Variants in FRMD4A observed in about 807,000 individuals in gnomAD.
The protein encoded by FRMD4A is FERM domain containing 4A, also known as FERM domain-containing protein 4A.
In FRMD4A, 29 loss-of-function variants were observed where a neutral mutation model predicts 129.1. The ratio of observed to expected loss-of-function variants is 0.22; its 90% CI spans 0.17 to 0.31. The LOEUF is 0.31. Among genes scored for constraint, FRMD4A ranks in the 10% least tolerant of loss-of-function variants. FRMD4A has a pLI of 1.00. For synonymous variants in FRMD4A, 634 were observed against 571.6 expected (o/e 1.11, Z -1.56); for missense variants, 1,272 against 1,375.8 (o/e 0.92, Z 1.19).
intron 2 of FRMD4A, among the ~76,000 whole-genome samples, chr10:14,208,222 A>G (rs1167434960): frequency 6.6e-6 from 1 of 152,046 alleles, no homozygotes; most frequent in African/African-American, 2.4e-5. Flanking sequence ...ACCAAGCAGA[A>G]AACAAAAACC....
At chr10:13,730,195 A>G (rs990263384) in intron 12 of FRMD4A, among the ~76,000 whole-genome samples, 1 of 152,150 alleles carries the variant, frequency 6.6e-6, no homozygotes, top group African/African-American at 2.4e-5. Context: ...TCGGGCTTCA[A>G]TCAATCAAAG....
At chr10:13,716,065 T>G (rs542630713) in intron 12 of FRMD4A, among the ~76,000 whole-genome samples, 15 of 152,244 alleles carry the variant, frequency 9.9e-5, no homozygotes, top group Non-Finnish European at 1.8e-4. Context: ...GAAAGACAAC[T>G]CATATGGTGT....
At chr10:13,928,201 T>C (rs1470687672) in intron 2 of FRMD4A, among the ~76,000 whole-genome samples, 1 of 151,966 alleles carries the variant, frequency 6.6e-6, no homozygotes, top group African/African-American at 2.4e-5. Flanking sequence ...TTTAAATGTT[T>C]TGCATAGAAG....
At chr10:13,822,946 G>C (rs1049655453) in intron 3 of FRMD4A, among the ~76,000 whole-genome samples, 6 of 152,068 alleles carry the variant, frequency 3.9e-5, no homozygotes, top group African/African-American at 1.2e-4. Context: ...GTCTCCCTGG[G>C]AGCAATGCTT....
intron 15 of FRMD4A, 147 bp downstream of exon 15, chr10:13,693,751 G>A (rs1289074789): frequency 1.2e-6 from 1 of 846,284 alleles, no homozygotes; most frequent in Non-Finnish European, 1.9e-6. Flanking sequence ...TTCGCATTTG[G>A]ATCCCAACCT....
intron 2 of FRMD4A, among the ~76,000 whole-genome samples, chr10:13,994,399 G>A (rs992453577): frequency 2.0e-5 from 3 of 151,818 alleles, no homozygotes; most frequent in Non-Finnish European, 4.4e-5. Flanking sequence ...GGATGGTCTC[G>A]ATCTCCCGAC....
At chr10:14,160,391 T>C (rs1840823362) in intron 2 of FRMD4A, among the ~76,000 whole-genome samples, 1 of 152,306 alleles carries the variant, frequency 6.6e-6, no homozygotes, top group African/African-American at 2.4e-5. Flanking sequence ...AAAGGTTTTA[T>C]GGCTCAGACC....
chr10:14,310,475 G>C (rs1846508765), intron 2 of FRMD4A, among the ~76,000 whole-genome samples: 1 of 152,192 alleles, frequency 6.6e-6, no homozygotes, highest in African/African-American at 2.4e-5. Flanking sequence ...ACATAGATAA[G>C]CAAGCTGAAA....
intron 2 of FRMD4A, among the ~76,000 whole-genome samples, chr10:13,956,857 G>A (rs1277383858): frequency 6.6e-6 from 1 of 152,202 alleles, no homozygotes; most frequent in African/African-American, 2.4e-5. Context: ...CCTGGTGTTG[G>A]CCCTTAGCAA....
chr10:14,144,718 C>A (rs1317929372), intron 2 of FRMD4A, among the ~76,000 whole-genome samples: 1 of 152,078 alleles, frequency 6.6e-6, no homozygotes, highest in Non-Finnish European at 1.5e-5. Context: ...CAGGAGCTGG[C>A]AAGAGACACG....
intron 2 of FRMD4A, among the ~76,000 whole-genome samples, chr10:14,148,059 C>T (rs555739120): frequency 1.5e-4 from 23 of 152,212 alleles, no homozygotes; most frequent in African/African-American, 5.1e-4. Flanking sequence ...TAATATTGGC[C>T]GTTCTCATTC....
chr10:14,185,720 T>G (rs1003981915), intron 2 of FRMD4A, among the ~76,000 whole-genome samples: 6 of 152,134 alleles, frequency 3.9e-5, no homozygotes, highest in African/African-American at 1.4e-4. Flanking sequence ...TCAGTAGTTC[T>G]AGAGAGAAGG....
intron 2 of FRMD4A, among the ~76,000 whole-genome samples, chr10:14,060,722 T>C (rs887845868): frequency 1.3e-5 from 2 of 152,354 alleles, no homozygotes; most frequent in South Asian, 2.1e-4. Context: ...CAAGGCAACA[T>C]TCTCCAATTA....
chr10:14,008,613 C>A (rs1026903619), intron 2 of FRMD4A: 1 of 527,130 alleles, frequency 1.9e-6, no homozygotes. Flanking sequence ...AGCCCCTCGG[C>A]CGTACAGTAG....
intron 2 of FRMD4A, among the ~76,000 whole-genome samples, chr10:13,864,300 C>CA (rs777097322): frequency 1.8e-5 from 2 of 112,984 alleles, no homozygotes; most frequent in Non-Finnish European, 3.4e-5. Context: ...CCCGCCATAG[C>CA]AAAGCCATTT....
intron 2 of FRMD4A, among the ~76,000 whole-genome samples, chr10:14,306,702 G>A (rs1846366415): frequency 6.6e-6 from 1 of 152,222 alleles, no homozygotes; most frequent in Non-Finnish European, 1.5e-5. Flanking sequence ...AAAGAAGAAA[G>A]GTGGAGATAA....
At chr10:14,092,497 G>A (rs763647896) in intron 2 of FRMD4A, among the ~76,000 whole-genome samples, 2 of 152,242 alleles carry the variant, frequency 1.3e-5, no homozygotes, top group Non-Finnish European at 2.9e-5. Flanking sequence ...GAAACTGGAG[G>A]TAGCTGTAAT....
chr10:14,165,156 A>G (rs1488298300), intron 2 of FRMD4A, among the ~76,000 whole-genome samples: 2 of 152,278 alleles, frequency 1.3e-5, no homozygotes, highest in Non-Finnish European at 2.9e-5. Context: ...ACTTAAATCA[A>G]TAAGGAAATA....
chr10:13,948,950 G>A (rs998533653), intron 2 of FRMD4A, among the ~76,000 whole-genome samples: 1 of 151,994 alleles, frequency 6.6e-6, no homozygotes, highest in Non-Finnish European at 1.5e-5. Flanking sequence ...GCGCCCAGCC[G>A]AGAGGATTTT....
Sources: allele counts gnomAD v4.1 joint callset (sites outside exome capture counted in the v4.1 genomes callset), GRCh38; gene constraint gnomAD v4.1.1; transcripts MANE v1.5; gene names NCBI Gene and HGNC (gene_info 2026-07-23, HGNC 2026-07-21).